Variants in ADAMTS12 observed in about 807,000 individuals in gnomAD.
ADAMTS12 encodes the protein ADAM metallopeptidase with thrombospondin type 1 motif 12.
ADAMTS12 carries 118 observed loss-of-function variants against 167.8 expected under a neutral mutation model. The observed-to-expected ratio is 0.70, with a 90% CI of 0.61 to 0.82. The LOEUF (loss-of-function observed/expected upper bound fraction) is 0.82, where lower values mean the gene tolerates loss of function less well. Ranked by LOEUF, ADAMTS12 falls within the 40% of genes least tolerant of loss-of-function variation. The pLI is 0.00. For missense variants in ADAMTS12, 1,916 were observed against 1,998.8 expected, an observed-to-expected ratio of 0.96 and a Z score of 0.79; for synonymous variants, 704 against 716.9, an observed-to-expected ratio of 0.98 and a Z score of 0.29.
At chr5:33,820,783 T>C (rs1455007055) in intron 2 of ADAMTS12, among the ~76,000 whole-genome samples, 1 of 152,164 alleles carries the variant, frequency 6.6e-6, no homozygotes, top group Non-Finnish European at 1.5e-5. Context: ...CATAGAATAT[T>C]ATGCAGCATG....
chr5:33,781,960 C>T (rs967058059), intron 2 of ADAMTS12, among the ~76,000 whole-genome samples: 7 of 151,380 alleles, frequency 4.6e-5, no homozygotes, highest in Non-Finnish European at 1.0e-4. Flanking sequence ...TTTGTTCTTG[C>T]GATAGTGTAA....
intron 3 of ADAMTS12, among the ~76,000 whole-genome samples, chr5:33,727,988 G>T (rs1744048012): frequency 6.6e-6 from 1 of 152,174 alleles, no homozygotes; most frequent in Non-Finnish European, 1.5e-5. Context: ...GATACCTGCA[G>T]ATTGAGCAAA....
Position 33,687,874 on chromosome 5 carries a change from T to A in ADAMTS12, c.635-3819A>T, listed in dbSNP as rs1197144885. ...TGACAAAGACAGCTAGTTCTTTGGG[T>A]CAGGTGAGGGGCTGATGATTCTGGG... On this transcript the variant is annotated intron_variant, in intron 3 of 23. Transcript: ENST00000504830. Among the ~76,000 whole-genome samples, 5 of 152,158 alleles carry A rather than the reference T, an allele frequency of 3.3e-5. No individual in the cohort carries two copies. The East Asian group carries it at 7.7e-4, about 23-fold the overall frequency.
At position 33,588,777 on chromosome 5, in the gene ADAMTS12, G is replaced by A. The variant is rs1747489823; in HGVS notation, c.2687C>T (p.Ala896Val). 1 of 1,613,558 alleles carries A rather than the reference G, an allele frequency of 6.2e-7. No individual in the cohort carries two copies. Among genetic ancestry groups the A allele is most frequent in the Admixed American group, 1.7e-5 (1 of 59,992 alleles). The change falls in exon 18 of 24, where the codon GCG becomes GTG. Residue 896 changes from alanine (A) to valine (V), a missense_variant. Ala to Val is a moderately conservative substitution (Grantham distance 64). Transcript: ENST00000504830. ...CTTCTCCCCGTGGGGCCCGCATGTC[G>A]CCGAGCATGCTTCCCACTCCCCTGC... ...WWAGEWEACS[A>V]TCGPHGEKKR...
Position 33,751,384 on chromosome 5 carries a change from G to A in ADAMTS12, c.634+20C>T. ...ACAAAACAGATTCTTCAACCCAGGAGGACATGTGAGTCACAATACCCTTTA... is the reference window on the plus strand; with the variant it reads ...ACAAAACAGATTCTTCAACCCAGGAAGACATGTGAGTCACAATACCCTTTA... On this transcript the variant is annotated intron_variant, in intron 3 of 23. Coordinates refer to ENST00000504830, the MANE Select transcript of ADAMTS12 (RefSeq NM_030955.4). The A allele has an allele frequency of 1.2e-6, 2 of 1,614,116 alleles. No individual in the cohort carries two copies. The highest frequency in any genetic ancestry group is 1.3e-5 in the African/African-American group (1 of 75,024).
chr5:33,809,224 G>C (rs1296764961), intron 2 of ADAMTS12, among the ~76,000 whole-genome samples: 4 of 152,092 alleles, frequency 2.6e-5, no homozygotes, highest in African/African-American at 9.7e-5. Context: ...GTAGGTCTGG[G>C]ATAGATTCTG....
chr5:33,670,943 A>C (rs1741667989), intron 5 of ADAMTS12, among the ~76,000 whole-genome samples: 1 of 152,222 alleles, frequency 6.6e-6, no homozygotes, highest in Admixed American at 6.5e-5. Context: ...TGAATAGTTA[A>C]ACAAATAGGT....
chr5:33,856,938 T>C (rs1033773329), intron 2 of ADAMTS12, among the ~76,000 whole-genome samples: 2 of 152,220 alleles, frequency 1.3e-5, no homozygotes, highest in African/African-American at 4.8e-5. Flanking sequence ...CTTCAAGAGA[T>C]AGCTGCAATC....
intron 16 of ADAMTS12, among the ~76,000 whole-genome samples, chr5:33,599,639 C>T (rs1426268192): frequency 6.6e-6 from 1 of 152,184 alleles, no homozygotes; most frequent in East Asian, 1.9e-4. Context: ...TTTCCCTAAA[C>T]CCTACCCATA....
In ADAMTS12 at chr5:33,657,366, G is replaced by T. The variant is rs146720098; in HGVS notation, c.1190+818C>A. 2.3e-3 allele frequency among the ~76,000 whole-genome samples: 349 copies of T among 152,256 alleles called. 3 individuals carry two copies. The highest frequency in any genetic ancestry group is 7.9e-3 in the African/African-American group (330 of 41,560). On this transcript the variant is annotated intron_variant, in intron 7 of 23. Transcript: ENST00000504830. Reference sequence around the variant, plus strand: ...ATCCAGGCTGGTGGATACATGACAGGCAGGGGATATAATTCAGCTGTTCAT... The same window carrying T: ...ATCCAGGCTGGTGGATACATGACAGTCAGGGGATATAATTCAGCTGTTCAT...
At chr5:33,699,449 A>T (rs1742914943) in intron 3 of ADAMTS12, among the ~76,000 whole-genome samples, 1 of 152,090 alleles carries the variant, frequency 6.6e-6, no homozygotes, top group African/African-American at 2.4e-5. Context: ...CATAAAACGT[A>T]AAATTATAAA....
At chr5:33,751,689 G>T (rs1744987933) in intron 2 of ADAMTS12, 141 bp from the exon 3 acceptor site, 1 of 737,836 alleles carries the variant, frequency 1.4e-6, no homozygotes, top group South Asian at 1.9e-5. Context: ...CGATCTCATA[G>T]AAGAGTTACA....
Position 33,527,295 on chromosome 5 carries a change from C to T in ADAMTS12, c.4678G>A (p.Val1560Met), listed in dbSNP as rs1743870478. Residue 1560 changes from valine (V) to methionine (M), a missense_variant, in exon 24 of 24, where the codon GTG (valine) becomes ATG (methionine). Val to Met is a conservative substitution (Grantham distance 21). Coordinates refer to ENST00000504830, the MANE Select transcript of ADAMTS12 (RefSeq NM_030955.4). ...QTLKAMKKCSVPTVRAECCFS... is the reference protein window; with the variant it reads ...QTLKAMKKCSMPTVRAECCFS... ...CAGCACTCAGCCCTCACGGTGGGCA[C>T]AGAACATTTCTTCATGGCTTTCAGT... 1.9e-6 allele frequency: 3 copies of T among 1,614,074 alleles called. No individual in the cohort carries two copies. The highest frequency in any genetic ancestry group is 2.2e-5 in the East Asian group (1 of 44,872).
intron 2 of ADAMTS12, among the ~76,000 whole-genome samples, chr5:33,824,973 T>C (rs1298529570): frequency 6.6e-6 from 1 of 152,140 alleles, no homozygotes; most frequent in Non-Finnish European, 1.5e-5. Flanking sequence ...GAAGGAGAGT[T>C]ATTTCTTGGA....
chr5:33,850,060 G>A (rs1039751732), intron 2 of ADAMTS12, among the ~76,000 whole-genome samples: 3 of 152,072 alleles, frequency 2.0e-5, no homozygotes, highest in South Asian at 2.1e-4. Context: ...AACGAAGGGG[G>A]AAAAGCCTAG....
rs913162484 is a variant in ADAMTS12, at chr5:33,792,590, C to T, written c.490-41042G>A. 2.0e-5 allele frequency among the ~76,000 whole-genome samples: 3 copies of T among 152,186 alleles called. No homozygotes were observed. In the East Asian group the frequency reaches 5.8e-4, roughly 29 times the overall value. On this transcript the variant is annotated intron_variant, in intron 2 of 23. Coordinates refer to ENST00000504830, the MANE Select transcript of ADAMTS12 (RefSeq NM_030955.4). Reference sequence around the variant, plus strand: ...ACAAGTGTTAAGCACAGGTGATGTTCAGCAGATATGTGTTGATTCAACACC... The same window carrying T: ...ACAAGTGTTAAGCACAGGTGATGTTTAGCAGATATGTGTTGATTCAACACC...
intron 18 of ADAMTS12, among the ~76,000 whole-genome samples, chr5:33,580,833 G>A (rs1747026272): frequency 6.6e-6 from 1 of 152,104 alleles, no homozygotes; most frequent in East Asian, 1.9e-4. Flanking sequence ...TGCATCTATT[G>A]CTCTCATTCC....
At chr5:33,821,968 T>A (rs1280845689) in intron 2 of ADAMTS12, among the ~76,000 whole-genome samples, 2 of 152,226 alleles carry the variant, frequency 1.3e-5, no homozygotes, top group Non-Finnish European at 2.9e-5. Context: ...TAGTAAAACT[T>A]ACTCTTCCAC....
chr5:33,561,068 G>A lies in ADAMTS12; in HGVS notation c.4084C>T (p.Leu1362Phe). 1.9e-6 allele frequency: 3 copies of A among 1,614,182 alleles called. No individual in the cohort carries two copies. Among genetic ancestry groups the A allele is most frequent in the South Asian group, 1.1e-5 (1 of 91,082 alleles). Residue 1362 changes from leucine (L) to phenylalanine (F), a missense_variant, in exon 20 of 24, where the codon CTC becomes TTC. Transcript: ENST00000504830. ...ACTTTCCAGCCAGCACAGGGACGGA[G>A]GTGGCATCTTTTTGCAGGGTCAGGT... ...QRPDPAKRCH[L>F]RPCAGWKVGN...
Sources: gnomAD v4.1 joint callset for allele counts (sites outside exome capture counted in the v4.1 genomes callset) on GRCh38, gnomAD v4.1.1 for gene constraint, MANE v1.5 for transcripts, NCBI Gene and HGNC (gene_info 2026-07-23, HGNC 2026-07-21) for gene names.